The following STON2 variants were observed in gnomAD, a reference collection of about 807,000 sequenced individuals.
STON2 encodes stonin-2.
STON2 carries 29 observed loss-of-function variants against 65.7 expected under a neutral mutation model. The observed-to-expected ratio is 0.44, with a 90% CI of 0.33 to 0.60. The LOEUF (loss-of-function observed/expected upper bound fraction) is 0.60, where lower values mean the gene tolerates loss of function less well. STON2 is among the 20% of genes least tolerant of loss of function. The pLI, the probability that STON2 is intolerant of heterozygous loss-of-function variation, is 0.03. For missense variants in STON2, 1,054 were observed against 1,118.1 expected, an observed-to-expected ratio of 0.94 and a Z score of 0.82; for synonymous variants, 404 against 414.2, an observed-to-expected ratio of 0.98 and a Z score of 0.30.
chr14:81,334,812 T>C (rs1413017140), intron 4 of STON2, among the ~76,000 whole-genome samples: 1 of 152,144 alleles, frequency 6.6e-6, no homozygotes, highest in Non-Finnish European at 1.5e-5. Context: ...CTGGCTGCTC[T>C]TTGGACCAAT....
In STON2 at chr14:81,262,957, T is replaced by C; in HGVS notation, c.*5457A>G. On this transcript the variant is annotated 3_prime_UTR_variant, in exon 8 of 8. Coordinates refer to ENST00000614646, the MANE Select transcript of STON2 (RefSeq NM_001394390.1). ...AGATAAGAAATGGTTTGTGGGGAAT[T>C]AGCACTTAGACCTTGGTAATGTTTA... 3.0e-6 allele frequency: 3 copies of C among 985,396 alleles called. No individual in the cohort carries two copies. Among genetic ancestry groups the C allele is most frequent in the Non-Finnish European group, 3.6e-6 (3 of 829,870 alleles). The allele number at this position is 985,396 out of a possible 1,614,324, so 61.0% of individuals were successfully genotyped here.
At position 81,277,805 on chromosome 14, in the gene STON2, G is replaced by A. The variant is rs375509500; in HGVS notation, c.1677C>T (p.Asp559=). The change falls in exon 6 of 8, where the codon GAC becomes GAT. Residue 559 remains aspartate (D), a synonymous_variant. Transcript: ENST00000614646. ...TCTTCTTCTCTTTATAGGTGACACGGTCTATCCGCAAGCTGTGGATTCTGC... is the reference window on the plus strand; with the variant it reads ...TCTTCTTCTCTTTATAGGTGACACGATCTATCCGCAAGCTGTGGATTCTGC... ...ENGRIHSLRI[D]RVTYKEKKKY... 2.1e-5 allele frequency: 34 copies of A among 1,614,122 alleles called. No homozygotes were observed. In the African/African-American group the frequency reaches 4.0e-4, roughly 19 times the overall value.
In STON2 at chr14:81,278,033, G is replaced by A. The variant is rs200510063; in HGVS notation, c.1449C>T (p.Asp483=). The change falls in exon 6 of 8, where the codon GAC becomes GAT. Residue 483 remains aspartate (D), a synonymous_variant. Coordinates refer to ENST00000614646, the MANE Select transcript of STON2 (RefSeq NM_001394390.1). ...PPGSARSQPR[D]GWPMMLRIPE... ...GGATCCTCAACATCATTGGCCACCC[G>A]TCACGAGGCTGGGACCGTGCTGATC... 273 of 1,614,038 alleles carry A rather than the reference G, an allele frequency of 1.7e-4. No homozygotes were observed. Among genetic ancestry groups the A allele is most frequent in the Non-Finnish European group, 2.0e-4 (241 of 1,180,036 alleles).
chr14:81,351,351 G>C (rs1595382973), intron 4 of STON2, among the ~76,000 whole-genome samples: 1 of 151,952 alleles, frequency 6.6e-6, no homozygotes, highest in African/African-American at 2.4e-5. Context: ...TTGCCCTGGA[G>C]GACTGAAGAG....
intron 6 of STON2, among the ~76,000 whole-genome samples, chr14:81,272,252 G>A (rs1894629631): frequency 6.6e-6 from 1 of 152,090 alleles, no homozygotes; most frequent in South Asian, 2.1e-4. Flanking sequence ...ACTGAACCTA[G>A]CAGTCTGACT....
chr14:81,381,110 A>T (rs1464702390), intron 3 of STON2, among the ~76,000 whole-genome samples: 2 of 152,226 alleles, frequency 1.3e-5, no homozygotes, highest in African/African-American at 2.4e-5. Context: ...AACAACAATA[A>T]AACATTGTAT....
intron 5 of STON2, among the ~76,000 whole-genome samples, chr14:81,314,845 T>C (rs1896559813): frequency 6.6e-6 from 1 of 152,174 alleles, no homozygotes; most frequent in East Asian, 1.9e-4. Context: ...AATACCTCTT[T>C]GTTTTTTTTT....
intron 4 of STON2, among the ~76,000 whole-genome samples, chr14:81,341,543 C>T (rs956604133): frequency 1.4e-5 from 2 of 144,530 alleles, no homozygotes; most frequent in African/African-American, 2.6e-5. Context: ...GTATTACTAA[C>T]CTAAATCATC....
Position 81,264,812 on chromosome 14 carries a change from G to A in STON2, c.*3602C>T. On this transcript the variant is annotated 3_prime_UTR_variant, in exon 8 of 8. Coordinates refer to ENST00000614646, the MANE Select transcript of STON2 (RefSeq NM_001394390.1). ...GCAAACTTTTGATAAGGAATAACTAGTACTATGTCTGCAAGAGCAGGCAAG... is the reference window on the plus strand; with the variant it reads ...GCAAACTTTTGATAAGGAATAACTAATACTATGTCTGCAAGAGCAGGCAAG... The A allele has an allele frequency of 1.0e-6, 1 of 985,348 alleles. No individual in the cohort carries two copies. Among genetic ancestry groups the A allele is most frequent in the Non-Finnish European group, 1.2e-6 (1 of 829,906 alleles). 61.0% of individuals were successfully genotyped at this position (985,348 alleles called of 1,614,324 possible). A position where few individuals can be genotyped will look rare whatever the true frequency, so the allele number is the denominator to read the frequency against.
chr14:81,414,533 G>A (rs942897528), intron 2 of STON2, among the ~76,000 whole-genome samples: 4 of 152,026 alleles, frequency 2.6e-5, no homozygotes, highest in Non-Finnish European at 5.9e-5. Flanking sequence ...ATGAGTTAGA[G>A]GTCCTGGACC....
chr14:81,436,282 G>A (rs1022036995), intron 1 of STON2: 1 of 151,554 alleles, frequency 6.6e-6, no homozygotes, highest in African/African-American at 2.4e-5. Flanking sequence ...CTCTTGGGGG[G>A]CGCGCTCGCC....
intron 4 of STON2, among the ~76,000 whole-genome samples, chr14:81,357,804 C>T (rs1045975330): frequency 3.4e-5 from 5 of 148,522 alleles, no homozygotes; most frequent in Admixed American, 1.4e-4. Context: ...AACCAAACAC[C>T]GCATATTCTC....
At chr14:81,341,469 T>A (rs796280049) in intron 4 of STON2, among the ~76,000 whole-genome samples, 1 of 148,258 alleles carries the variant, frequency 6.7e-6, no homozygotes, top group African/African-American at 2.6e-5. Flanking sequence ...TTTTTTTTTT[T>A]CCCAAAAGTC....
chr14:81,434,923 T>C (rs1207450412), intron 1 of STON2, among the ~76,000 whole-genome samples: 1 of 152,204 alleles, frequency 6.6e-6, no homozygotes, highest in African/African-American at 2.4e-5. Context: ...TATGAGCCAC[T>C]GGCATTTTTG....
intron 2 of STON2, among the ~76,000 whole-genome samples, chr14:81,406,620 T>A (rs1257438768): frequency 6.6e-6 from 1 of 152,182 alleles, no homozygotes; most frequent in Non-Finnish European, 1.5e-5. Flanking sequence ...ACATGATCCT[T>A]ACCCCTAAGA....
At chr14:81,399,486 C>T (rs1900495098) in intron 1 of STON2, among the ~76,000 whole-genome samples, 1 of 152,144 alleles carries the variant, frequency 6.6e-6, no homozygotes, top group African/African-American at 2.4e-5. Flanking sequence ...CCAATTGCTG[C>T]ACAATGAAAA....
intron 5 of STON2, among the ~76,000 whole-genome samples, chr14:81,300,903 A>C (rs533843939): frequency 6.6e-6 from 1 of 152,348 alleles, no homozygotes; most frequent in South Asian, 2.1e-4. Flanking sequence ...TTTATTAATA[A>C]TAGTGAAAAC....
At chr14:81,270,403 G>A (rs912396221) in intron 7 of STON2, 52 of 1,396,216 alleles carry the variant, frequency 3.7e-5, no homozygotes, top group Non-Finnish European at 4.6e-5. Context: ...TCTTTTTGTT[G>A]TCATTGCTCA....
At position 81,371,053 on chromosome 14, in the gene STON2, G is replaced by A; in HGVS notation, c.506C>T (p.Thr169Ile). The A allele has an allele frequency of 6.2e-7, 1 of 1,613,912 alleles. No individual in the cohort carries two copies. The highest frequency in any genetic ancestry group is 1.1e-5 in the South Asian group (1 of 91,066). The change falls in exon 4 of 8, where the codon ACA becomes ATA. Residue 169 changes from threonine to isoleucine, a missense_variant. Coordinates refer to ENST00000614646, the MANE Select transcript of STON2 (RefSeq NM_001394390.1). ...TSSPSFGCSY[T>I]DLQLINAEEQ... ...CTCAGCATTGATGAGCTGCAGATCT[G>A]TATACGAACATCCAAAGCTAGGACT...
Sources: allele counts gnomAD v4.1 joint callset (sites outside exome capture counted in the v4.1 genomes callset), GRCh38; gene constraint gnomAD v4.1.1; transcripts MANE v1.5; gene names NCBI Gene and HGNC (gene_info 2026-07-23, HGNC 2026-07-21).